NTNG1: variants seen among roughly 807,000 people sequenced by gnomAD.
The protein encoded by NTNG1 is netrin G1.
In NTNG1, 16 loss-of-function variants were observed where a neutral mutation model predicts 54.0. That is an observed-to-expected ratio of 0.30 (90% CI 0.20 to 0.45). NTNG1 has a LOEUF of 0.45. Ranked by LOEUF, NTNG1 falls within the 20% of genes least tolerant of loss-of-function variation. NTNG1 has a pLI of 1.00. For synonymous variants in NTNG1, 255 were observed against 263.1 expected (o/e 0.97, Z 0.30); for missense variants, 530 against 678.7 (o/e 0.78, Z 2.43).
chr1:107,400,010 C>A (rs1672914773), intron 4 of NTNG1, among the ~76,000 whole-genome samples: 1 of 152,074 alleles, frequency 6.6e-6, no homozygotes, highest in Non-Finnish European at 1.5e-5. Context: ...TCTTGACATT[C>A]TAGCCTATTC....
intron 4 of NTNG1, among the ~76,000 whole-genome samples, chr1:107,406,336 G>A (rs933043842): frequency 1.3e-5 from 2 of 152,160 alleles, no homozygotes; most frequent in African/African-American, 2.4e-5. Context: ...GTTACCACCT[G>A]TTACTATACT....
chr1:107,238,682 CA>C (rs1044280588), intron 2 of NTNG1, among the ~76,000 whole-genome samples: 2 of 152,090 alleles, frequency 1.3e-5, no homozygotes, highest in African/African-American at 4.8e-5. Context: ...TTTTCCTGTA[CA>C]AGCTTTTTTT....
At chr1:107,443,071 C>T (rs904336885) in intron 7 of NTNG1, among the ~76,000 whole-genome samples, 7 of 152,060 alleles carry the variant, frequency 4.6e-5, no homozygotes, top group Non-Finnish European at 7.4e-5. Context: ...TTGGCTTAAA[C>T]GAGAAATTGA....
At chr1:107,207,315 T>A (rs1375365719) in intron 2 of NTNG1, among the ~76,000 whole-genome samples, 1 of 152,140 alleles carries the variant, frequency 6.6e-6, no homozygotes, top group Non-Finnish European at 1.5e-5. Flanking sequence ...CTCCCATAAC[T>A]GTGAAAAACT....
chr1:107,371,128 A>C (rs1670897553), intron 3 of NTNG1, among the ~76,000 whole-genome samples: 1 of 151,998 alleles, frequency 6.6e-6, no homozygotes, highest in Non-Finnish European at 1.5e-5. Context: ...ATTCTGAGGA[A>C]GTTTCCTTCC....
chr1:107,466,207 A>G (rs1186707657), intron 7 of NTNG1, among the ~76,000 whole-genome samples: 1 of 152,202 alleles, frequency 6.6e-6, no homozygotes, highest in Non-Finnish European at 1.5e-5. Context: ...AGTATTGTGT[A>G]AACTCTTTGT....
chr1:107,353,353 T>G (rs4481882), intron 3 of NTNG1, among the ~76,000 whole-genome samples: 16,530 of 152,124 alleles, frequency 0.11, 1,068 homozygotes, highest in East Asian at 0.16. Flanking sequence ...ACCCTAAATC[T>G]TCATTCTCAA....
At chr1:107,272,126 T>A (rs1187095143) in intron 2 of NTNG1, among the ~76,000 whole-genome samples, 3 of 152,202 alleles carry the variant, frequency 2.0e-5, no homozygotes, top group Admixed American at 6.5e-5. Context: ...CACCTCGTTG[T>A]GTCAATACCA....
rs190903531 is a variant in NTNG1 at position 107,304,309 on chromosome 1, A to G, written c.247-19973A>G. 2.0e-3 allele frequency among the ~76,000 whole-genome samples: 309 copies of G among 152,062 alleles called. 4 individuals are homozygous for G. Among genetic ancestry groups the G allele is most frequent in the Admixed American group, 0.017 (264 of 15,262 alleles). ...AATTTTTATTTCTCTTCTAGTACAC[A>G]CATTCAACTATCTAGAGTGGCCCAA... is the stretch of plus-strand genomic sequence containing the variant. On this transcript the variant is annotated intron_variant, in intron 2 of 7. Coordinates refer to ENST00000370068, the MANE Select transcript of NTNG1 (RefSeq NM_001113226.3).
intron 7 of NTNG1, among the ~76,000 whole-genome samples, chr1:107,458,701 T>G (rs529002007): frequency 4.2e-4 from 64 of 152,288 alleles, no homozygotes; most frequent in African/African-American, 9.6e-5. Context: ...AAGAAAAACA[T>G]GTAATGTCTT....
intron 2 of NTNG1, among the ~76,000 whole-genome samples, chr1:107,204,487 G>A (rs1257206801): frequency 6.6e-6 from 1 of 152,010 alleles, no homozygotes; most frequent in Admixed American, 6.6e-5. Flanking sequence ...AGAGGGAGTG[G>A]GGCCTAGCTG....
chr1:107,439,021 G>T (rs145657164), intron 7 of NTNG1, among the ~76,000 whole-genome samples: 34 of 152,278 alleles, frequency 2.2e-4, no homozygotes, highest in African/African-American at 8.2e-4. Flanking sequence ...GGGCACAGAA[G>T]GATGAAAAGA....
At chr1:107,290,265 T>C (rs893770651) in intron 2 of NTNG1, among the ~76,000 whole-genome samples, 1 of 152,170 alleles carries the variant, frequency 6.6e-6, no homozygotes, top group African/African-American at 2.4e-5. Flanking sequence ...ATTCATTGAG[T>C]GTTTTAACTT....
At chr1:107,320,497 C>A (rs1423600825) in intron 2 of NTNG1, among the ~76,000 whole-genome samples, 1 of 151,990 alleles carries the variant, frequency 6.6e-6, no homozygotes, top group Non-Finnish European at 1.5e-5. Flanking sequence ...TTTAATTAAT[C>A]TAATCCCTTT....
chr1:107,344,023 C>G (rs952245492), intron 3 of NTNG1, among the ~76,000 whole-genome samples: 6 of 151,856 alleles, frequency 4.0e-5, no homozygotes, highest in Non-Finnish European at 7.4e-5. Flanking sequence ...TGAGTCCTTA[C>G]AAAGCCCATG....
chr1:107,292,400 CACAACAGGAGA>C (rs973147273), intron 2 of NTNG1, among the ~76,000 whole-genome samples: 4 of 152,104 alleles, frequency 2.6e-5, no homozygotes, highest in Admixed American at 2.0e-4. Context: ...CAGACATGAG[CACAACAGGAGA>C]GGGTTTCCCC....
At chr1:107,194,804 A>G (rs12142238) in intron 2 of NTNG1, among the ~76,000 whole-genome samples, 6,419 of 152,130 alleles carry the variant, frequency 0.042, 139 homozygotes, top group Non-Finnish European at 0.051. Context: ...AGATATGGCA[A>G]CATGCTTAGC....
chr1:107,266,492 C>A (rs558928321), intron 2 of NTNG1, among the ~76,000 whole-genome samples: 1 of 151,960 alleles, frequency 6.6e-6, no homozygotes, highest in Admixed American at 6.6e-5. Context: ...AAGTCACCAT[C>A]ATGAAAGCAG....
intron 5 of NTNG1, among the ~76,000 whole-genome samples, chr1:107,428,470 T>C (rs1429707530): frequency 1.3e-5 from 2 of 152,110 alleles, no homozygotes; most frequent in East Asian, 3.9e-4. Context: ...TTTTTGCACA[T>C]AAAAGATGCT....
Sources: allele counts gnomAD v4.1 joint callset (sites outside exome capture counted in the v4.1 genomes callset), GRCh38; gene constraint gnomAD v4.1.1; transcripts MANE v1.5; gene names NCBI Gene and HGNC (gene_info 2026-07-23, HGNC 2026-07-21).